Variants in ZBTB8OS observed in about 807,000 individuals in gnomAD.
ZBTB8OS encodes the protein tRNA-splicing ligase-activating factor archease.
A neutral mutation model predicts 29.3 loss-of-function variants in ZBTB8OS; 16 were observed. The ratio of observed to expected loss-of-function variants is 0.55; its 90% CI spans 0.37 to 0.83. The LOEUF is 0.83. Ranked by LOEUF, ZBTB8OS falls within the 40% of genes least tolerant of loss-of-function variation. The pLI, the probability that ZBTB8OS is intolerant of heterozygous loss-of-function variation, is 0.00. For missense variants in ZBTB8OS, 160 were observed against 196.9 expected (o/e 0.81, Z 1.12); for synonymous variants, 70 against 64.6 (o/e 1.08, Z -0.40).
At chr1:32,646,408 G>A (rs572920289) in intron 1 of ZBTB8OS, among the ~76,000 whole-genome samples, 13 of 150,530 alleles carry the variant, frequency 8.6e-5, no homozygotes, top group African/African-American at 3.2e-4. Context: ...TTTTTTTTGA[G>A]AAAGAGTCTC....
At chr1:32,625,247 A>T (rs778056426) in intron 6 of ZBTB8OS, among the ~76,000 whole-genome samples, 1 of 149,942 alleles carries the variant, frequency 6.7e-6, no homozygotes. Flanking sequence ...AATAATAATA[A>T]TAAAAAAAAC....
At chr1:32,634,972 G>A (rs1400483555) in intron 1 of ZBTB8OS, among the ~76,000 whole-genome samples, 180 bp from the exon 2 acceptor site, 2 of 151,164 alleles carry the variant, frequency 1.3e-5, no homozygotes, top group Non-Finnish European at 2.9e-5. Flanking sequence ...GCTTTGCTTT[G>A]TTGGAATCTT....
At chr1:32,630,732 C>T (rs964289694) in intron 5 of ZBTB8OS, among the ~76,000 whole-genome samples, 9 of 151,966 alleles carry the variant, frequency 5.9e-5, no homozygotes, top group Non-Finnish European at 8.8e-5. Context: ...TAAATGAGGC[C>T]GGGCACAGTG....
intron 6 of ZBTB8OS, among the ~76,000 whole-genome samples, chr1:32,622,891 C>T (rs1465571766): frequency 6.6e-6 from 1 of 152,082 alleles, no homozygotes; most frequent in Non-Finnish European, 1.5e-5. Flanking sequence ...AACTTATTCT[C>T]TTTTCCTCAG....
At chr1:32,624,591 T>C (rs546703984) in intron 6 of ZBTB8OS, among the ~76,000 whole-genome samples, 1 of 152,278 alleles carries the variant, frequency 6.6e-6, no homozygotes, top group East Asian at 1.9e-4. Flanking sequence ...AAACATTCCT[T>C]TTTGCTTTGA....
intron 4 of ZBTB8OS, 113 bp from the exon 5 acceptor site, chr1:32,631,992 CTTTTTTTTTTTT>C (rs71006345): frequency 2.9e-4 from 39 of 135,728 alleles, no homozygotes; most frequent in South Asian, 4.3e-4. Context: ...TTGGTAAAAC[CTTTTTTTTTTTT>C]TTTTTTTTTT....
At chr1:32,633,505 T>C (rs1645730407) in intron 4 of ZBTB8OS, 140 bp downstream of exon 4, 2 of 621,846 alleles carry the variant, frequency 3.2e-6, no homozygotes, top group Non-Finnish European at 5.5e-6. Flanking sequence ...CCCGTGGTCA[T>C]TATAATCTCT....
intron 1 of ZBTB8OS, among the ~76,000 whole-genome samples, chr1:32,649,269 A>G (rs918201851): frequency 1.3e-4 from 20 of 152,058 alleles, no homozygotes; most frequent in South Asian, 1.2e-3. Flanking sequence ...CAAACGGCCT[A>G]TAATATTTTA....
At chr1:32,627,831 TTGAGAACAGCC>T in intron 5 of ZBTB8OS, 1 of 400,564 alleles carries the variant, frequency 2.5e-6, no homozygotes, top group Non-Finnish European at 4.5e-6. Flanking sequence ...GCCCAGGAGT[TTGAGAACAGCC>T]TGAGCAACAT....
At chr1:32,639,591 C>G (rs868677763) in intron 1 of ZBTB8OS, among the ~76,000 whole-genome samples, 1 of 152,076 alleles carries the variant, frequency 6.6e-6, no homozygotes, top group African/African-American at 2.4e-5. Flanking sequence ...GTGACTCCAT[C>G]TCTTAAAAAG....
rs78907409 is a variant in ZBTB8OS at position 32,621,966 on chromosome 1, G to GAAA, written c.418-21_418-19dup. 6.0e-4 allele frequency: 553 copies of GAAA among 920,656 alleles called. No individual in the cohort carries two copies. Among genetic ancestry groups the GAAA allele is most frequent in the South Asian group, 1.8e-3 (93 of 52,972 alleles). 57.0% of individuals were successfully genotyped at this position (920,656 alleles called of 1,614,324 possible). A position where few individuals can be genotyped will look rare whatever the true frequency, so the allele number is the denominator to read the frequency against. ...TCTGTTCCCTAAAGTTGGGGTTAGA[G>GAAA]AAAAAAAAAAAAAAAAGGAAAATAG... On this transcript the variant is annotated intron_variant, in intron 6 of 6. Transcript: ENST00000468695.
intron 1 of ZBTB8OS, among the ~76,000 whole-genome samples, chr1:32,649,471 G>A (rs1022020067): frequency 3.3e-5 from 5 of 152,098 alleles, no homozygotes; most frequent in African/African-American, 1.2e-4. Flanking sequence ...AGGGATGACA[G>A]CTTAACGTTT....
intron 2 of ZBTB8OS, 110 bp from the exon 3 acceptor site, chr1:32,634,182 CTCAA>C (rs1208724603): frequency 1.7e-5 from 17 of 996,004 alleles, no homozygotes; most frequent in Middle Eastern, 2.4e-4. Context: ...ATTTTAAGGC[CTCAA>C]TCAATTTAAC....
chr1:32,639,538 C>G (rs888714258), intron 1 of ZBTB8OS, among the ~76,000 whole-genome samples: 1 of 152,036 alleles, frequency 6.6e-6, no homozygotes, highest in Non-Finnish European at 1.5e-5. Flanking sequence ...GGCAGGAGGA[C>G]AGCATGAGGT....
At chr1:32,639,607 A>T (rs546656653) in intron 1 of ZBTB8OS, among the ~76,000 whole-genome samples, 20 of 152,094 alleles carry the variant, frequency 1.3e-4, no homozygotes, top group African/African-American at 4.1e-4. Flanking sequence ...AAAAGTTTTT[A>T]AAAAACCAGG....
intron 1 of ZBTB8OS, among the ~76,000 whole-genome samples, chr1:32,648,846 A>C (rs1007967956): frequency 6.7e-6 from 1 of 150,172 alleles, no homozygotes; most frequent in Non-Finnish European, 1.5e-5. Context: ...TTTAGTAGAG[A>C]TGGGGTTTCA....
At chr1:32,643,251 T>G (rs2934767) in intron 1 of ZBTB8OS, among the ~76,000 whole-genome samples, 129,358 of 150,600 alleles carry the variant, frequency 0.86, 57,179 homozygotes, top group Non-Finnish European at 0.96. Flanking sequence ...TTTGTATTTT[T>G]AGTAGAGACG....
At position 32,633,746 on chromosome 1, in the gene ZBTB8OS, T is replaced by C; in HGVS notation, c.245-19A>G. On this transcript the variant is annotated intron_variant, in intron 3 of 6. Transcript: ENST00000468695. ...TCATCTCCTACACAAGATCAAATAG[T>C]ATATTTAATAATTCTGGTCTCTAAA... is the stretch of plus-strand genomic sequence containing the variant. The C allele has an allele frequency of 1.3e-6, 2 of 1,547,704 alleles. No individual in the cohort carries two copies. The highest frequency in any genetic ancestry group is 1.2e-5 in the South Asian group (1 of 84,196).
chr1:32,634,136 G>A (rs763285282), intron 2 of ZBTB8OS, 64 bp from the exon 3 acceptor site: 66 of 1,331,426 alleles, frequency 5.0e-5, no homozygotes, highest in Non-Finnish European at 6.4e-5. Flanking sequence ...TTTGATAGCA[G>A]GCAAAGTCAA....
Sources: gnomAD v4.1 joint callset for allele counts (sites outside exome capture counted in the v4.1 genomes callset) on GRCh38, gnomAD v4.1.1 for gene constraint, MANE v1.5 for transcripts, NCBI Gene and HGNC (gene_info 2026-07-23, HGNC 2026-07-21) for gene names.